KIAA1549L: variants seen among roughly 807,000 people sequenced by gnomAD.
KIAA1549L encodes KIAA1549 like.
Under a neutral mutation model 160.7 loss-of-function variants are expected in KIAA1549L, and 88 were observed. That is an observed-to-expected ratio of 0.55 (90% CI 0.46 to 0.65). KIAA1549L has a LOEUF of 0.65. Ranked by LOEUF, KIAA1549L falls within the 30% of genes least tolerant of loss-of-function variation. The probability of loss-of-function intolerance (pLI) is 0.00; values close to 1 mark genes in which losing one functional copy is unlikely to be tolerated. For synonymous variants in KIAA1549L, 950 were observed against 976.7 expected (o/e 0.97, Z 0.51); for missense variants, 2,258 against 2,437.5 (o/e 0.93, Z 1.55).
chr11:33,474,846 A>G (rs1489165084), intron 1 of KIAA1549L, among the ~76,000 whole-genome samples: 1 of 152,238 alleles, frequency 6.6e-6, no homozygotes, highest in East Asian at 1.9e-4. Flanking sequence ...AGGGCCTGTC[A>G]TCTTCATAAA....
In KIAA1549L at chr11:33,551,053, A is replaced by C. The variant is rs1337678445; in HGVS notation, c.3515A>C (p.Glu1172Ala). 5.6e-6 allele frequency: 9 copies of C among 1,613,606 alleles called. No individual in the cohort carries two copies. The highest frequency in any genetic ancestry group is 1.3e-5 in the African/African-American group (1 of 74,922). ...NDVSAHVDIL[E>A]YSHNVTVGYY... Reference sequence around the variant, plus strand: ...TTTGTTTTGTAGGTGGACATTCTGGAATATTCTCATAATGTCACAGTTGGT... The same window carrying C: ...TTTGTTTTGTAGGTGGACATTCTGGCATATTCTCATAATGTCACAGTTGGT... The change falls in exon 5 of 21, where the codon GAA (glutamate) becomes GCA (alanine). Residue 1172 changes from glutamate to alanine, a missense_variant. Glu to Ala is a moderately radical substitution (Grantham distance 107). Around this residue, in one of 6 missense-constraint regions of KIAA1549L, gnomAD observed 1,359 missense variants for 1,546.6 expected, o/e 0.88. Transcript: ENST00000658780.
intron 1 of KIAA1549L, among the ~76,000 whole-genome samples, chr11:33,539,749 C>G (rs926671528): frequency 7.2e-5 from 11 of 152,186 alleles, no homozygotes; most frequent in Admixed American, 1.3e-4. Flanking sequence ...CTTGTCATTT[C>G]TGCTTACAAA....
chr11:33,448,233 G>T (rs1292388390), intron 1 of KIAA1549L, among the ~76,000 whole-genome samples: 2 of 152,102 alleles, frequency 1.3e-5, no homozygotes, highest in African/African-American at 4.8e-5. Flanking sequence ...TACATTTGAG[G>T]AAAGCTTCTT....
chr11:33,444,775 A>G (rs1851577712), intron 1 of KIAA1549L, among the ~76,000 whole-genome samples: 1 of 152,230 alleles, frequency 6.6e-6, no homozygotes. Context: ...GCTGCTCCAA[A>G]TAAGACCAAC....
At chr11:33,451,933 A>C (rs1033903589) in intron 1 of KIAA1549L, among the ~76,000 whole-genome samples, 29 of 152,184 alleles carry the variant, frequency 1.9e-4, no homozygotes, top group African/African-American at 7.0e-4. Context: ...ACTCTCTCAC[A>C]ATATCAGCTG....
At chr11:33,631,496 A>C (rs546199304) in intron 16 of KIAA1549L, among the ~76,000 whole-genome samples, 2 of 151,900 alleles carry the variant, frequency 1.3e-5, no homozygotes, top group East Asian at 3.9e-4. Context: ...TGTACGTTAC[A>C]GGGTTTTTAG....
At position 33,668,118 on chromosome 11, in the gene KIAA1549L, C is replaced by T; in HGVS notation, c.6405C>T (p.Ala2135=). Residue 2135 remains alanine, a synonymous_variant, in exon 21 of 21, where the codon GCC becomes GCT. Transcript: ENST00000658780. ...KAIREEVAKL[A]KKQTDMFEFQ... Reference sequence around the variant, plus strand: ...TCCGGGAGGAGGTGGCCAAGCTGGCCAAAAAACAGACAGACATGTTTGAGT... The same window carrying T: ...TCCGGGAGGAGGTGGCCAAGCTGGCTAAAAAACAGACAGACATGTTTGAGT... 1 of 1,613,342 alleles carries T rather than the reference C, an allele frequency of 6.2e-7. No individual in the cohort carries two copies. The highest frequency in any genetic ancestry group is 8.5e-7 in the Non-Finnish European group (1 of 1,179,768).
rs116719262 is a variant in KIAA1549L at position 33,438,293 on chromosome 11, G to T, written c.238+61404G>T. On this transcript the variant is annotated intron_variant, in intron 1 of 20. Coordinates refer to ENST00000658780, the MANE Select transcript of KIAA1549L (RefSeq NM_012194.3). ...CATTTAATCAAAACAAGCCAAGCTG[G>T]TGACCAGTTTAGACACATACTTGAT... is the stretch of plus-strand genomic sequence containing the variant. 7.4e-3 allele frequency among the ~76,000 whole-genome samples: 1,129 copies of T among 152,250 alleles called. 11 individuals are homozygous for T. Among genetic ancestry groups the T allele is most frequent in the African/African-American group, 0.026 (1,076 of 41,542 alleles).
chr11:33,383,261 TTTTC>T (rs768523456), intron 1 of KIAA1549L, among the ~76,000 whole-genome samples: 92 of 150,834 alleles, frequency 6.1e-4, no homozygotes, highest in Non-Finnish European at 1.1e-3. Flanking sequence ...CATATTGTGG[TTTTC>T]TTTCTTTCTT....
rs772639586 is a variant in KIAA1549L, at chr11:33,543,244, A to G, written c.1681A>G (p.Lys561Glu). The part of the protein sequence containing the change: ...LSTSWTFPRW[K>E]KDSVTAILGK... ...CACATCTTGGACATTTCCCCGGTGG[A>G]AAAAGGACAGTGTGACAGCCATTTT... The change falls in exon 2 of 21, where the codon AAA (lysine) becomes GAA (glutamate). Residue 561 changes from lysine to glutamate, a missense_variant. Lys to Glu is a moderately conservative substitution (Grantham distance 56). This residue lies in a region of KIAA1549L where 540 missense variants were observed against 465.7 expected (regional missense o/e 1.16). Transcript: ENST00000658780. 1.2e-6 allele frequency: 2 copies of G among 1,613,182 alleles called. No homozygotes were observed. The highest frequency in any genetic ancestry group is 1.3e-5 in the African/African-American group (1 of 74,944).
At chr11:33,654,709 A>C (rs947758020) in intron 17 of KIAA1549L, among the ~76,000 whole-genome samples, 1 of 152,154 alleles carries the variant, frequency 6.6e-6, no homozygotes, top group African/African-American at 2.4e-5. Context: ...GCTTACCTTC[A>C]GTATTTTCAC....
At chr11:33,579,680 GAGAATCAAGGTAACGCTAT>G (rs1319201917) in intron 10 of KIAA1549L, among the ~76,000 whole-genome samples, 1 of 152,164 alleles carries the variant, frequency 6.6e-6, no homozygotes, top group Non-Finnish European at 1.5e-5. Context: ...ACTCTGGAGA[GAGAATCAAGGTAACGCTAT>G]AGACTTGAGG....
chr11:33,485,165 C>T (rs1489167074), intron 1 of KIAA1549L, among the ~76,000 whole-genome samples: 2 of 152,156 alleles, frequency 1.3e-5, no homozygotes, highest in Non-Finnish European at 2.9e-5. Context: ...GAAAGGACTT[C>T]CTGTCCCAGC....
At chr11:33,587,934 T>A (rs998206793) in intron 11 of KIAA1549L, among the ~76,000 whole-genome samples, 1 of 152,156 alleles carries the variant, frequency 6.6e-6, no homozygotes, top group Admixed American at 6.6e-5. Context: ...GATAGGAAGC[T>A]GCAGAAGGAA....
intron 11 of KIAA1549L, among the ~76,000 whole-genome samples, chr11:33,587,955 G>A (rs1849930087): frequency 6.6e-6 from 1 of 152,172 alleles, no homozygotes; most frequent in African/African-American, 2.4e-5. Flanking sequence ...AGGAAGGGCT[G>A]TGGGAAGACT....
intron 15 of KIAA1549L, among the ~76,000 whole-genome samples, chr11:33,614,563 T>C (rs1590399189): frequency 5.6e-5 from 1 of 17,996 alleles, no homozygotes; most frequent in Non-Finnish European, 9.9e-5. Flanking sequence ...TATATATATA[T>C]ATATATATAT....
At chr11:33,483,506 A>G (rs902529398) in intron 1 of KIAA1549L, among the ~76,000 whole-genome samples, 46 of 152,274 alleles carry the variant, frequency 3.0e-4, no homozygotes, top group African/African-American at 1.1e-3. Context: ...CCCACTTGGC[A>G]TACCACTGGG....
chr11:33,401,131 T>C (rs1397132799), intron 1 of KIAA1549L, among the ~76,000 whole-genome samples: 2 of 151,800 alleles, frequency 1.3e-5, no homozygotes, highest in East Asian at 3.9e-4. Context: ...GTTGTCTCTG[T>C]AGTATGATCT....
Position 33,568,100 on chromosome 11 carries a change from T to G in KIAA1549L, c.4103T>G (p.Leu1368Arg). 1 of 1,612,104 alleles carries G rather than the reference T, an allele frequency of 6.2e-7. No individual in the cohort carries two copies. Among genetic ancestry groups the G allele is most frequent in the Non-Finnish European group, 8.5e-7 (1 of 1,179,192 alleles). ...GTGCTGCAGGGTGTGGACAATTCGC[T>G]GGTGGGCCTGCACAACCAGAGCTTT... ...ITVLQGVDNS[L>R]VGLHNQSFAR... The change falls in exon 9 of 21, where the codon CTG (leucine) becomes CGG (arginine). Residue 1368 changes from leucine to arginine, a missense_variant. Leu to Arg is a moderately radical substitution (Grantham distance 102, BLOSUM62 -2). Coordinates refer to ENST00000658780, the MANE Select transcript of KIAA1549L (RefSeq NM_012194.3).
Sources: gnomAD v4.1 joint callset for allele counts (sites outside exome capture counted in the v4.1 genomes callset) on GRCh38, gnomAD v4.1.1 for gene constraint, gnomAD v4.1.1 regional missense constraint, MANE v1.5 for transcripts, NCBI Gene and HGNC (gene_info 2026-07-23, HGNC 2026-07-21) for gene names.